The following LRRN3 variants were observed in gnomAD, a reference collection of about 807,000 sequenced individuals.
LRRN3 encodes leucine rich repeat neuronal 3.
Under a neutral mutation model 40.1 loss-of-function variants are expected in LRRN3, and 15 were observed. The observed-to-expected ratio is 0.37, with a 90% CI of 0.25 to 0.58. LRRN3 has a LOEUF of 0.58. Ranked by LOEUF, LRRN3 falls within the 20% of genes least tolerant of loss-of-function variation. The pLI, the probability that LRRN3 is intolerant of heterozygous loss-of-function variation, is 0.72. For synonymous variants in LRRN3, 308 were observed against 297.2 expected (o/e 1.04, Z -0.37); for missense variants, 746 against 837.7 (o/e 0.89, Z 1.35).
Position 111,123,225 on chromosome 7 carries a change from G to C in LRRN3, c.453G>C (p.Leu151Phe). Residue 151 changes from leucine to phenylalanine, a missense_variant, in exon 3 of 3, where the codon TTG (leucine) becomes TTC (phenylalanine). Coordinates refer to ENST00000308478, the MANE Select transcript of LRRN3 (RefSeq NM_001099658.2). This position sits in a 1 kb window ranked among gnomAD's most constrained non-coding sequence, Gnocchi z 6.4. ...NLQELYINHN[L>F]LSTISPGAFI... Reference sequence around the variant, plus strand: ...AAGAACTCTATATTAATCACAACTTGCTTTCTACAATTTCACCTGGAGCCT... The same window carrying C: ...AAGAACTCTATATTAATCACAACTTCCTTTCTACAATTTCACCTGGAGCCT... 1.2e-6 allele frequency: 2 copies of C among 1,613,820 alleles called. No homozygotes were observed. Among genetic ancestry groups the C allele is most frequent in the African/African-American group, 1.3e-5 (1 of 75,014 alleles).
At chr7:111,118,245 T>C (rs1800131726) in intron 2 of LRRN3, among the ~76,000 whole-genome samples, 1 of 152,040 alleles carries the variant, frequency 6.6e-6, no homozygotes, top group Non-Finnish European at 1.5e-5. Flanking sequence ...TCTATGATAA[T>C]GCCTGCCAAA....
At chr7:111,122,063 A>G (rs1349110834) in intron 2 of LRRN3, among the ~76,000 whole-genome samples, 1 of 127,144 alleles carries the variant, frequency 7.9e-6, no homozygotes, top group Non-Finnish European at 1.6e-5. Flanking sequence ...GGAACATCAC[A>G]CACCGGGGCC....
Position 111,107,779 on chromosome 7 carries a change from A to G in LRRN3, c.-359+7817A>G, listed in dbSNP as rs547557025. Among the ~76,000 whole-genome samples, 3 of 152,262 alleles carry G rather than the reference A, an allele frequency of 2.0e-5. No individual in the cohort carries two copies. In the East Asian group the frequency reaches 5.8e-4, roughly 29 times the overall value. On this transcript the variant is annotated intron_variant, in intron 2 of 2. Coordinates refer to ENST00000308478, the MANE Select transcript of LRRN3 (RefSeq NM_001099658.2). Reference sequence around the variant, plus strand: ...AATGAACTCCCAAAGATTTATTTGCAACATTTGGCTGTTGCAACATTTCAA... The same window carrying G: ...AATGAACTCCCAAAGATTTATTTGCGACATTTGGCTGTTGCAACATTTCAA...
At chr7:111,098,692 TAA>T (rs1446120536) in intron 1 of LRRN3, among the ~76,000 whole-genome samples, 1 of 151,756 alleles carries the variant, frequency 6.6e-6, no homozygotes, top group Non-Finnish European at 1.5e-5. Flanking sequence ...ACGACCGTAC[TAA>T]GTAAGCGCTA....
chr7:111,124,228 G>A lies in LRRN3; in HGVS notation c.1456G>A (p.Val486Ile), dbSNP rs543081195. 5.8e-5 allele frequency: 94 copies of A among 1,613,904 alleles called. No homozygotes were observed. Among genetic ancestry groups the A allele is most frequent in the Middle Eastern group, 3.3e-4 (2 of 6,060 alleles). Residue 486 changes from valine to isoleucine, a missense_variant, in exon 3 of 3, where the codon GTA (valine) becomes ATA (isoleucine). By Grantham distance (29) the Val-to-Ile change is conservative. Coordinates refer to ENST00000308478, the MANE Select transcript of LRRN3 (RefSeq NM_001099658.2). The part of the protein sequence containing the change: ...HSEGTLDING[V>I]TPKEGGLYTC... ...TGAGGGAACACTAGATATAAATGGCGTAACTCCCAAAGAAGGGGGTTTATA... is the reference window on the plus strand; with the variant it reads ...TGAGGGAACACTAGATATAAATGGCATAACTCCCAAAGAAGGGGGTTTATA...
chr7:111,120,448 A>T (rs1800455044), intron 2 of LRRN3, among the ~76,000 whole-genome samples: 1 of 152,052 alleles, frequency 6.6e-6, no homozygotes, highest in South Asian at 2.1e-4. Flanking sequence ...CATGGGGGAA[A>T]CTGCCCCCAT....
intron 1 of LRRN3, among the ~76,000 whole-genome samples, chr7:111,098,601 C>T (rs1412288097): frequency 6.6e-6 from 1 of 151,698 alleles, no homozygotes; most frequent in Non-Finnish European, 1.5e-5. Context: ...ACTGGCAGAT[C>T]TCATTTACAA....
intron 1 of LRRN3, among the ~76,000 whole-genome samples, chr7:111,095,991 C>A (rs1797358665): frequency 1.3e-5 from 2 of 151,912 alleles, no homozygotes; most frequent in African/African-American, 4.8e-5. Context: ...CAATCCTATT[C>A]TTTTCTTTTG....
intron 2 of LRRN3, among the ~76,000 whole-genome samples, chr7:111,103,763 C>T (rs1404394115): frequency 4.0e-5 from 6 of 151,480 alleles, no homozygotes; most frequent in Admixed American, 1.3e-4. Flanking sequence ...GAACTTTTAA[C>T]GCATTATTTT....
At chr7:111,101,495 C>G (rs1383724103) in intron 2 of LRRN3, among the ~76,000 whole-genome samples, 1 of 151,306 alleles carries the variant, frequency 6.6e-6, no homozygotes, top group Non-Finnish European at 1.5e-5. Flanking sequence ...GGTTAAGATT[C>G]AAGTCTTTTT....
intron 1 of LRRN3, among the ~76,000 whole-genome samples, chr7:111,096,516 A>AC (rs946813821): frequency 6.5e-4 from 99 of 151,372 alleles, no homozygotes; most frequent in Admixed American, 4.1e-3. Flanking sequence ...TTTAAAAAAA[A>AC]AAAAACAAAA....
intron 2 of LRRN3, among the ~76,000 whole-genome samples, chr7:111,106,206 C>T (rs1394494177): frequency 6.6e-6 from 1 of 151,914 alleles, no homozygotes; most frequent in East Asian, 1.9e-4. Context: ...ACTTACTTCT[C>T]AATTGGGAAC....
chr7:111,094,227 TA>T (rs1425160697), intron 1 of LRRN3, among the ~76,000 whole-genome samples: 1 of 152,156 alleles, frequency 6.6e-6, no homozygotes, highest in African/African-American at 2.4e-5. Flanking sequence ...GAAAGCTCTA[TA>T]ACCGGAGTTT....
At position 111,124,630 on chromosome 7, in the gene LRRN3, G is replaced by C. The variant is rs1385554704; in HGVS notation, c.1858G>C (p.Glu620Gln). 1.2e-6 allele frequency: 2 copies of C among 1,613,860 alleles called. No homozygotes were observed. Among genetic ancestry groups the C allele is most frequent in the African/African-American group, 1.3e-5 (1 of 74,912 alleles). ...CAAAGGTTTGCACCCTGATCAAAAAGAGTATGAAAAGAATAATACCACAAC... is the reference window on the plus strand; with the variant it reads ...CAAAGGTTTGCACCCTGATCAAAAACAGTATGAAAAGAATAATACCACAAC... ...TTKGLHPDQK[E>Q]YEKNNTTTLM... The change falls in exon 3 of 3, where the codon GAG (glutamate) becomes CAG (glutamine). Residue 620 changes from glutamate to glutamine, a missense_variant. Coordinates refer to ENST00000308478, the MANE Select transcript of LRRN3 (RefSeq NM_001099658.2).
intron 1 of LRRN3, chr7:111,097,067 G>C (rs923706782): frequency 6.6e-6 from 1 of 151,790 alleles, no homozygotes; most frequent in South Asian, 2.1e-4. Context: ...CTCTATTCAG[G>C]GAAGGAGTGT....
chr7:111,117,567 A>T (rs2129586246), intron 2 of LRRN3, among the ~76,000 whole-genome samples: 1 of 152,220 alleles, frequency 6.6e-6, no homozygotes, highest in Middle Eastern at 3.4e-3. Flanking sequence ...ATTTGTTTTG[A>T]AAAACTGGAA....
Position 111,123,370 on chromosome 7 carries a change from A to G in LRRN3, c.598A>G (p.Ile200Val). 6.2e-7 allele frequency: 1 copy of G among 1,613,858 alleles called. No individual in the cohort carries two copies. The highest frequency in any genetic ancestry group is 8.5e-7 in the Non-Finnish European group (1 of 1,179,920). ...LEILMIGENP[I>V]IRIKDMNFKP... ...GATTCTGATGATTGGGGAAAATCCA[A>G]TTATCAGAATCAAAGACATGAACTT... is the stretch of plus-strand genomic sequence containing the variant. Residue 200 changes from isoleucine (I) to valine (V), a missense_variant, in exon 3 of 3, where the codon ATT (isoleucine) becomes GTT (valine). By Grantham distance (29) the Ile-to-Val change is conservative (BLOSUM62 3). Coordinates refer to ENST00000308478, the MANE Select transcript of LRRN3 (RefSeq NM_001099658.2). The surrounding 1 kb of genome is among the most constrained non-coding windows in gnomAD (Gnocchi z 6.4).
At chr7:111,107,945 A>G (rs1798735053) in intron 2 of LRRN3, among the ~76,000 whole-genome samples, 1 of 152,150 alleles carries the variant, frequency 6.6e-6, no homozygotes, top group African/African-American at 2.4e-5. Flanking sequence ...TTTTGCACCA[A>G]AAATATTTCC....
intron 2 of LRRN3, among the ~76,000 whole-genome samples, chr7:111,106,628 G>A (rs995103452): frequency 2.0e-5 from 3 of 149,954 alleles, no homozygotes; most frequent in African/African-American, 7.4e-5. Context: ...TGGCTGCTAA[G>A]AGATGTGAGG....
Sources: allele counts gnomAD v4.1 joint callset (sites outside exome capture counted in the v4.1 genomes callset), GRCh38; gene constraint gnomAD v4.1.1; non-coding constraint Gnocchi (gnomAD v3.1); transcripts MANE v1.5; gene names NCBI Gene and HGNC (gene_info 2026-07-23, HGNC 2026-07-21).